The following KCNMB4 variants were observed in gnomAD, a reference collection of about 807,000 sequenced individuals.
KCNMB4 encodes potassium calcium-activated channel subfamily M regulatory beta subunit 4, also known as calcium-activated potassium channel subunit beta-4.
A neutral mutation model predicts 20.7 loss-of-function variants in KCNMB4; 3 were observed. That is an observed-to-expected ratio of 0.14 (90% CI 0.07 to 0.37). The LOEUF is 0.37. Among genes scored for constraint, KCNMB4 ranks in the 10% least tolerant of loss-of-function variants. The pLI is 1.00. For synonymous variants in KCNMB4, 110 were observed against 113.4 expected (o/e 0.97, Z 0.19); for missense variants, 168 against 265.9 (o/e 0.63, Z 2.56).
intron 1 of KCNMB4, among the ~76,000 whole-genome samples, chr12:70,393,988 T>C (rs1470119729): frequency 1.3e-5 from 2 of 152,196 alleles, no homozygotes; most frequent in South Asian, 2.1e-4. Context: ...TCATCTCTTC[T>C]GTGAAGCCTT....
chr12:70,366,325 T>C lies in KCNMB4; in HGVS notation c.-410T>C. On this transcript the variant is annotated 5_prime_UTR_variant, in exon 1 of 3. Coordinates refer to ENST00000258111, the MANE Select transcript of KCNMB4 (RefSeq NM_014505.6). ...AGCCTTGGGGCAGCTGCCGGGCGAG[T>C]CAGCGGAGTAGCGGCCAGCGGGCGA... 6.8e-6 allele frequency: 1 copy of C among 147,762 alleles called. No homozygotes were observed. The allele number at this position is 147,762 out of a possible 1,614,324, so 9.2% of individuals were successfully genotyped here.
rs920054465 is a variant in KCNMB4, at chr12:70,366,506, G to A, written c.-229G>A. 3.3e-5 allele frequency: 5 copies of A among 153,334 alleles called. No homozygotes were observed. The highest frequency in any genetic ancestry group is 1.2e-4 in the African/African-American group (5 of 41,364). 9.5% of individuals were successfully genotyped at this position (153,334 alleles called of 1,614,324 possible). On this transcript the variant is annotated 5_prime_UTR_variant, in exon 1 of 3. Transcript: ENST00000258111. The stretch of plus-strand genomic sequence containing the variant: ...GCTCTGAAGCGGCTGCTGCACCGCG[G>A]GGCCCAGGCGGCGGCTGGGGGGCTG...
chr12:70,371,023 A>G (rs188270170), intron 1 of KCNMB4, among the ~76,000 whole-genome samples: 1 of 152,090 alleles, frequency 6.6e-6, no homozygotes, highest in Admixed American at 6.6e-5. Context: ...CACCCAGCTA[A>G]TTTTTGTATA....
chr12:70,403,159 C>G (rs1365928932), intron 2 of KCNMB4, among the ~76,000 whole-genome samples: 2 of 150,738 alleles, frequency 1.3e-5, no homozygotes, highest in Admixed American at 6.6e-5. Flanking sequence ...AAGGTTGTCT[C>G]CCATATTCCA....
At chr12:70,386,549 T>C (rs1349984092) in intron 1 of KCNMB4, among the ~76,000 whole-genome samples, 1 of 151,642 alleles carries the variant, frequency 6.6e-6, no homozygotes. Flanking sequence ...GCTCCATGTT[T>C]CACCATCAGA....
At chr12:70,418,899 C>T (rs1454218412) in intron 2 of KCNMB4, among the ~76,000 whole-genome samples, 1 of 152,134 alleles carries the variant, frequency 6.6e-6, no homozygotes, top group African/African-American at 2.4e-5. Context: ...GTGACTAATC[C>T]TTCCAGTGTT....
intron 1 of KCNMB4, among the ~76,000 whole-genome samples, chr12:70,375,377 G>C (rs1883666874): frequency 6.6e-6 from 1 of 151,900 alleles, no homozygotes; most frequent in Non-Finnish European, 1.5e-5. Context: ...GCTCACACCT[G>C]TAATACCAAT....
chr12:70,414,509 T>A (rs1215869743), intron 2 of KCNMB4, among the ~76,000 whole-genome samples: 3 of 152,206 alleles, frequency 2.0e-5, no homozygotes, highest in Admixed American at 2.0e-4. Context: ...CATATTGCCA[T>A]CACTGTTGGG....
intron 1 of KCNMB4, among the ~76,000 whole-genome samples, chr12:70,382,390 G>A (rs1007345663): frequency 6.7e-5 from 9 of 134,294 alleles, no homozygotes; most frequent in Non-Finnish European, 1.2e-4. Context: ...CGGAGATCGC[G>A]CCACAGCACT....
intron 1 of KCNMB4, among the ~76,000 whole-genome samples, chr12:70,386,619 T>C (rs572750518): frequency 6.7e-6 from 1 of 149,888 alleles, no homozygotes; most frequent in South Asian, 2.1e-4. Context: ...TTTAAGGAGA[T>C]GGGGAAAGGT....
At chr12:70,385,114 CG>C (rs1215888423) in intron 1 of KCNMB4, among the ~76,000 whole-genome samples, 1 of 152,022 alleles carries the variant, frequency 6.6e-6, no homozygotes. Context: ...AGGTGTCAAG[CG>C]GGGGGAATTT....
chr12:70,430,572 C>A lies in KCNMB4; in HGVS notation c.552C>A (p.Gly184=). Residue 184 remains glycine, a synonymous_variant, in exon 3 of 3, where the codon GGC becomes GGA. Transcript: ENST00000258111. ...GGCCCCTGGTGACATTTGTGGTGGG[C>A]GTTCTCATTGTGGTCCTGACCATCT... is the stretch of plus-strand genomic sequence containing the variant. ...FLWPLVTFVV[G]VLIVVLTICA... 1 of 1,613,876 alleles carries A rather than the reference C, an allele frequency of 6.2e-7. No homozygotes were observed. The highest frequency in any genetic ancestry group is 8.5e-7 in the Non-Finnish European group (1 of 1,179,938).
chr12:70,434,262 A>G lies in KCNMB4; in HGVS notation c.*3609A>G, dbSNP rs963626285. The stretch of plus-strand genomic sequence containing the variant: ...CTGCCCTATCTCCCTGGAAAGTCTC[A>G]GTATGTGAGTAATAAACCTTTTTAT... On this transcript the variant is annotated 3_prime_UTR_variant, in exon 3 of 3. Transcript: ENST00000258111. 6.6e-6 allele frequency: 1 copy of G among 152,208 alleles called. No homozygotes were observed. The highest frequency in any genetic ancestry group is 6.5e-5 in the Admixed American group (1 of 15,268). 9.4% of individuals were successfully genotyped at this position (152,208 alleles called of 1,614,324 possible). A position where few individuals can be genotyped will look rare whatever the true frequency, so the allele number is the denominator to read the frequency against.
intron 1 of KCNMB4, among the ~76,000 whole-genome samples, chr12:70,383,823 C>CT (rs1883838640): frequency 1.3e-5 from 2 of 152,218 alleles, no homozygotes; most frequent in South Asian, 4.1e-4. Flanking sequence ...AATCCCAGCA[C>CT]TTTGGGAGGC....
intron 1 of KCNMB4, among the ~76,000 whole-genome samples, chr12:70,391,096 G>A (rs1302299007): frequency 6.6e-6 from 1 of 152,094 alleles, no homozygotes; most frequent in Admixed American, 6.6e-5. Context: ...ATTGGCTGAG[G>A]AGTCCTACCT....
chr12:70,421,721 A>G (rs867805255), intron 2 of KCNMB4, among the ~76,000 whole-genome samples: 6 of 151,758 alleles, frequency 4.0e-5, no homozygotes, highest in African/African-American at 1.4e-4. Context: ...AGCTGGGACT[A>G]CAGGTGGCCG....
chr12:70,367,083 C>A lies in KCNMB4; in HGVS notation c.336+13C>A. On this transcript the variant is annotated intron_variant, in intron 1 of 2. Transcript: ENST00000258111. Reference sequence around the variant, plus strand: ...GACCAACCCCAAGGTAAGAACGCCCCGCGCACCCAGGGGCTCCCCGCGAGG... The same window carrying A: ...GACCAACCCCAAGGTAAGAACGCCCAGCGCACCCAGGGGCTCCCCGCGAGG... The A allele has an allele frequency of 2.0e-6, 3 of 1,495,680 alleles. No individual in the cohort carries two copies. The South Asian group carries it at 4.0e-5, about 20-fold the overall frequency. 92.7% of individuals were successfully genotyped at this position (1,495,680 alleles called of 1,614,324 possible).
chr12:70,367,206 A>G (rs1344595052), intron 1 of KCNMB4, 136 bp downstream of exon 1: 1 of 638,822 alleles, frequency 1.6e-6, no homozygotes, highest in African/African-American at 1.8e-5. Flanking sequence ...GGCTGTGCTC[A>G]AACCAGGAAT....
At chr12:70,393,858 C>G (rs931126859) in intron 1 of KCNMB4, among the ~76,000 whole-genome samples, 1 of 152,028 alleles carries the variant, frequency 6.6e-6, no homozygotes, top group Non-Finnish European at 1.5e-5. Context: ...TTAGATGACT[C>G]AGTCTTTCTG....
Sources: allele counts gnomAD v4.1 joint callset (sites outside exome capture counted in the v4.1 genomes callset), GRCh38; gene constraint gnomAD v4.1.1; transcripts MANE v1.5; gene names NCBI Gene and HGNC (gene_info 2026-07-23, HGNC 2026-07-21).